Variants in SMYD3 observed in about 807,000 individuals in gnomAD.
The protein encoded by SMYD3 is histone-lysine N-methyltransferase SMYD3.
SMYD3 carries 36 observed loss-of-function variants against 57.7 expected under a neutral mutation model. The observed-to-expected ratio is 0.62, with a 90% CI of 0.48 to 0.82. SMYD3 has a LOEUF of 0.82. Ranked by LOEUF, SMYD3 falls within the 40% of genes least tolerant of loss-of-function variation. The pLI is 0.00. For missense variants in SMYD3, 515 were observed against 538.8 expected, an observed-to-expected ratio of 0.96 and a Z score of 0.44; for synonymous variants, 211 against 195.0, an observed-to-expected ratio of 1.08 and a Z score of -0.68.
intron 5 of SMYD3, among the ~76,000 whole-genome samples, chr1:246,065,102 A>C (rs2060318922): frequency 1.3e-5 from 2 of 152,240 alleles, no homozygotes; most frequent in Admixed American, 1.3e-4. Flanking sequence ...AGATGAGAAC[A>C]CTGTCCCATT....
rs142031005 is a variant in SMYD3 at position 246,331,136 on chromosome 1, A to G, written c.337-599T>C. 1.2e-4 allele frequency among the ~76,000 whole-genome samples: 18 copies of G among 152,320 alleles called. No homozygotes were observed. The East Asian group carries it at 2.7e-3, about 23-fold the overall frequency. ...GGTAACAGAGCAAGTCCCTGTCTCAAAAAAGAAAAAAAGGAGAAGGACAAA... is the reference window on the plus strand; with the variant it reads ...GGTAACAGAGCAAGTCCCTGTCTCAGAAAAGAAAAAAAGGAGAAGGACAAA... On this transcript the variant is annotated intron_variant, in intron 3 of 11. Coordinates refer to ENST00000490107, the MANE Select transcript of SMYD3 (RefSeq NM_001167740.2).
chr1:246,076,725 G>T (rs1392301739), intron 5 of SMYD3, among the ~76,000 whole-genome samples: 1 of 147,304 alleles, frequency 6.8e-6, no homozygotes, highest in Non-Finnish European at 1.5e-5. Context: ...GGATGAGATA[G>T]AAAACAGAAC....
intron 1 of SMYD3, among the ~76,000 whole-genome samples, chr1:246,448,452 C>T: frequency 6.6e-6 from 1 of 152,050 alleles, no homozygotes; most frequent in African/African-American, 2.4e-5. Flanking sequence ...GAATACCCAT[C>T]CCCAACATAT....
chr1:245,771,144 A>C (rs1309599734), intron 10 of SMYD3, among the ~76,000 whole-genome samples: 2 of 152,004 alleles, frequency 1.3e-5, no homozygotes, highest in African/African-American at 4.8e-5. Flanking sequence ...GTATATATAC[A>C]TACATACATA....
intron 5 of SMYD3, among the ~76,000 whole-genome samples, chr1:246,163,906 GGAAAGTCA>G (rs1376346121): frequency 6.6e-6 from 1 of 152,110 alleles, no homozygotes; most frequent in African/African-American, 2.4e-5. Context: ...TAATGACAGA[GGAAAGTCA>G]GAATCTCCAA....
At chr1:246,323,103 T>C (rs761278417) in intron 5 of SMYD3, among the ~76,000 whole-genome samples, 2 of 152,218 alleles carry the variant, frequency 1.3e-5, no homozygotes, top group African/African-American at 2.4e-5. Flanking sequence ...CAGTTTCCAC[T>C]TCTGATATGA....
At chr1:245,970,872 T>C (rs897836810) in intron 5 of SMYD3, among the ~76,000 whole-genome samples, 2 of 152,172 alleles carry the variant, frequency 1.3e-5, no homozygotes, top group African/African-American at 4.8e-5. Flanking sequence ...GTTCAACCAT[T>C]GTGGAAGACA....
chr1:246,387,006 T>C (rs1368090504), intron 1 of SMYD3, among the ~76,000 whole-genome samples: 3 of 152,192 alleles, frequency 2.0e-5, no homozygotes, highest in African/African-American at 4.8e-5. Context: ...ACCTATGTTA[T>C]ATGACTCTCA....
intron 5 of SMYD3, among the ~76,000 whole-genome samples, chr1:245,946,099 T>C (rs1350006153): frequency 6.6e-6 from 1 of 152,162 alleles, no homozygotes; most frequent in Non-Finnish European, 1.5e-5. Flanking sequence ...GAACGTCCTG[T>C]ACATGCACCC....
intron 1 of SMYD3, among the ~76,000 whole-genome samples, chr1:246,491,891 G>A (rs1206989408): frequency 2.0e-5 from 3 of 152,170 alleles, no homozygotes; most frequent in Non-Finnish European, 2.9e-5. Context: ...GGATCAAAAC[G>A]AAAACAAGAC....
intron 5 of SMYD3, among the ~76,000 whole-genome samples, chr1:246,015,022 C>G (rs576669489): frequency 6.6e-6 from 1 of 152,128 alleles, no homozygotes; most frequent in Non-Finnish European, 1.5e-5. Flanking sequence ...ATCTGCTTTG[C>G]GGGCCCAACA....
Position 246,375,783 on chromosome 1 carries a change from G to A in SMYD3, c.165-20689C>T, listed in dbSNP as rs936785825. On this transcript the variant is annotated intron_variant, in intron 1 of 11. Coordinates refer to ENST00000490107, the MANE Select transcript of SMYD3 (RefSeq NM_001167740.2). ...CTTGCTCTGTCACTCAGGCTGGAGT[G>A]CAGTGGCATGATCTCGGCTCACTGC... 3.9e-5 allele frequency among the ~76,000 whole-genome samples: 6 copies of A among 152,186 alleles called. No individual in the cohort carries two copies. The East Asian group carries it at 9.6e-4, about 24-fold the overall frequency.
chr1:245,924,669 T>C (rs952347654), intron 7 of SMYD3, among the ~76,000 whole-genome samples: 1 of 150,156 alleles, frequency 6.7e-6, no homozygotes, highest in East Asian at 2.0e-4. Context: ...TTTTTTTTTT[T>C]TTTTTTTTTC....
chr1:246,338,647 T>A (rs2065581613), intron 2 of SMYD3, among the ~76,000 whole-genome samples: 1 of 151,618 alleles, frequency 6.6e-6, no homozygotes, highest in Non-Finnish European at 1.5e-5. Flanking sequence ...GAGACAAGAG[T>A]TTCATGCTGG....
rs144779220 is a variant in SMYD3, at chr1:246,002,997, G to A, written c.532-73060C>T. 7.1e-3 allele frequency among the ~76,000 whole-genome samples: 1,081 copies of A among 152,302 alleles called. 4 individuals carry two copies. Among genetic ancestry groups the A allele is most frequent in the Non-Finnish European group, 0.011 (749 of 68,032 alleles). On this transcript the variant is annotated intron_variant, in intron 5 of 11. Coordinates refer to ENST00000490107, the MANE Select transcript of SMYD3 (RefSeq NM_001167740.2). ...GAAACATCTCAGTTTACCACCGCACGATGTAAGTGCGTTCTACACTCACCA... is the reference window on the plus strand; with the variant it reads ...GAAACATCTCAGTTTACCACCGCACAATGTAAGTGCGTTCTACACTCACCA...
At chr1:246,357,084 G>A (rs942716169) in intron 1 of SMYD3, among the ~76,000 whole-genome samples, 10 of 152,196 alleles carry the variant, frequency 6.6e-5, no homozygotes, top group African/African-American at 2.4e-4. Flanking sequence ...AGATTTCTGA[G>A]CAGAAACTGT....
At chr1:246,458,884 G>T (rs754695107) in intron 1 of SMYD3, among the ~76,000 whole-genome samples, 3 of 152,114 alleles carry the variant, frequency 2.0e-5, no homozygotes, top group Non-Finnish European at 4.4e-5. Flanking sequence ...TGCAAGTAAT[G>T]ATTATAACAT....
intron 10 of SMYD3, among the ~76,000 whole-genome samples, chr1:245,775,867 AT>A (rs932487932): frequency 2.1e-3 from 327 of 152,320 alleles, no homozygotes; most frequent in African/African-American, 7.3e-3. Context: ...CACAAAAGGA[AT>A]TTCTAACATT....
intron 5 of SMYD3, among the ~76,000 whole-genome samples, chr1:246,259,401 A>T (rs1371773358): frequency 1.3e-5 from 2 of 151,946 alleles, no homozygotes; most frequent in African/African-American, 4.8e-5. Flanking sequence ...TTCCTCTATA[A>T]TGTTACTGGG....
Sources: gnomAD v4.1 joint callset for allele counts (sites outside exome capture counted in the v4.1 genomes callset) on GRCh38, gnomAD v4.1.1 for gene constraint, MANE v1.5 for transcripts, NCBI Gene and HGNC (gene_info 2026-07-23, HGNC 2026-07-21) for gene names.